PIK3C2G: variants seen among roughly 807,000 people sequenced by gnomAD.
PIK3C2G encodes the protein phosphatidylinositol 3-kinase C2 domain-containing subunit gamma.
PIK3C2G carries 168 observed loss-of-function variants against 181.1 expected under a neutral mutation model. The observed-to-expected ratio is 0.93, with a 90% CI of 0.82 to 1.05. PIK3C2G has a LOEUF of 1.05. PIK3C2G is among the 50% of genes least tolerant of loss of function. The pLI is 0.00. For synonymous variants in PIK3C2G, 573 were observed against 592.2 expected, an observed-to-expected ratio of 0.97 and a Z score of 0.47; for missense variants, 1,869 against 1,732.8, an observed-to-expected ratio of 1.08 and a Z score of -1.40.
chr12:18,696,723 AT>A, the PIK3C2G span, among the ~76,000 whole-genome samples: 1 of 152,102 alleles, frequency 6.6e-6, no homozygotes, highest in African/African-American at 2.4e-5. Context: ...TTCCAGCTAA[AT>A]TAATCCTACT....
chr12:18,710,688 A>G, the PIK3C2G span, among the ~76,000 whole-genome samples: 1 of 152,154 alleles, frequency 6.6e-6, no homozygotes, highest in Non-Finnish European at 1.5e-5. Context: ...AGTGACAGTA[A>G]AAATGGGCAG....
rs150646073 is a variant in PIK3C2G, at chr12:18,547,990, G to A, written c.3590+1558G>A. 3.4e-3 allele frequency among the ~76,000 whole-genome samples: 521 copies of A among 152,040 alleles called. 2 individuals are homozygous for A. Among genetic ancestry groups the A allele is most frequent in the African/African-American group, 0.012 (483 of 41,504 alleles). The stretch of plus-strand genomic sequence containing the variant: ...ACAGAAGGGCAGCGTCACAGAGTCT[G>A]GAAGGTCCTTCAGAATTGAAGGCAG... On this transcript the variant is annotated intron_variant, in intron 26 of 32. Transcript: ENST00000538779.
chr12:18,405,945 A>G (rs56147105), intron 16 of PIK3C2G, among the ~76,000 whole-genome samples: 16,427 of 152,066 alleles, frequency 0.11, 1,197 homozygotes, highest in Admixed American at 0.25. Context: ...ATTAACTCTG[A>G]TCTCCACGCA....
At chr12:18,699,794 C>G in the PIK3C2G span, 2 of 1,612,804 alleles carry the variant, frequency 1.2e-6, no homozygotes, top group Non-Finnish European at 1.7e-6. Flanking sequence ...AAAAATTTAC[C>G]TCGCAATTTT....
intron 18 of PIK3C2G, among the ~76,000 whole-genome samples, chr12:18,443,356 G>A (rs1405049995): frequency 3.9e-5 from 6 of 152,178 alleles, no homozygotes; most frequent in South Asian, 2.1e-4. Context: ...TTTTTCACAA[G>A]TAATAAAAAA....
intron 24 of PIK3C2G, among the ~76,000 whole-genome samples, chr12:18,520,447 C>T (rs938690378): frequency 6.6e-6 from 1 of 151,884 alleles, no homozygotes; most frequent in African/African-American, 2.4e-5. Flanking sequence ...TCTCGTCTGC[C>T]TTCCTTTCAG....
chr12:18,693,886 C>T, the PIK3C2G span: 2 of 1,529,538 alleles, frequency 1.3e-6, no homozygotes, highest in Non-Finnish European at 1.8e-6. Flanking sequence ...TTCACACAAG[C>T]AGGATGACGC....
chr12:18,416,702 C>A (rs796201783), intron 16 of PIK3C2G, among the ~76,000 whole-genome samples: 1 of 152,076 alleles, frequency 6.6e-6, no homozygotes, highest in East Asian at 1.9e-4. Context: ...TATGTTAAGC[C>A]CACTGTTGAA....
intron 24 of PIK3C2G, among the ~76,000 whole-genome samples, chr12:18,537,442 C>G (rs1592523704): frequency 6.6e-6 from 1 of 151,864 alleles, no homozygotes; most frequent in Non-Finnish European, 1.5e-5. Flanking sequence ...CATCTCAGCC[C>G]TATCCGTATC....
chr12:18,363,387 T>C (rs1003378843), intron 12 of PIK3C2G, among the ~76,000 whole-genome samples: 1 of 152,132 alleles, frequency 6.6e-6, no homozygotes, highest in African/African-American at 2.4e-5. Flanking sequence ...CCTTCTTCTG[T>C]AAAGATTTGT....
At position 18,282,299 on chromosome 12, in the gene PIK3C2G, C is replaced by G. The variant is rs776432116; in HGVS notation, c.218C>G (p.Ser73Ter). Residue 73 changes from serine to a stop codon, truncating the protein, a stop_gained, in exon 2 of 33, where the codon TCA (serine) becomes TGA (stop). Coordinates refer to ENST00000538779, the MANE Select transcript of PIK3C2G (RefSeq NM_001288772.2). LOFTEE classifies it high-confidence loss of function. ...FFVPTAPKWD[S>*]TGHSLNEAHQ... ...GTGCCCACTGCACCAAAATGGGACT[C>G]AACAGGGCATTCATTAAATGAAGCA... The G allele has an allele frequency of 7.4e-6, 12 of 1,613,230 alleles. No individual in the cohort carries two copies. In the South Asian group the frequency reaches 1.3e-4, roughly 18 times the overall value.
At chr12:18,283,173 A>T (rs1370766839) in intron 2 of PIK3C2G, among the ~76,000 whole-genome samples, 1 of 152,078 alleles carries the variant, frequency 6.6e-6, no homozygotes, top group Non-Finnish European at 1.5e-5. Context: ...ACTTTATATC[A>T]TTATTGGTAG....
intron 22 of PIK3C2G, among the ~76,000 whole-genome samples, chr12:18,498,605 A>ACCTGTCATCACAAGAGAACTGTCATG (rs1272350991): frequency 6.6e-6 from 1 of 151,884 alleles, no homozygotes; most frequent in Non-Finnish European, 1.5e-5. Flanking sequence ...TACAATTTAA[A>ACCTGTCATCACAAGAGAACTGTCATG]CCTGTCATCA....
At chr12:18,324,705 T>C (rs1343609022) in intron 7 of PIK3C2G, among the ~76,000 whole-genome samples, 2 of 152,340 alleles carry the variant, frequency 1.3e-5, no homozygotes, top group East Asian at 1.9e-4. Context: ...TGTTAATATA[T>C]GCCATTATCT....
At chr12:18,258,459 G>T (rs991499416), upstream of PIK3C2G, among the ~76,000 whole-genome samples, 1 of 151,892 alleles carries the variant, frequency 6.6e-6, no homozygotes, top group Non-Finnish European at 1.5e-5. Flanking sequence ...ACAGCTTCTG[G>T]TGACCACCAT....
At chr12:18,507,323 C>G (rs1162896696) in intron 24 of PIK3C2G, among the ~76,000 whole-genome samples, 1 of 152,176 alleles carries the variant, frequency 6.6e-6, no homozygotes, top group Non-Finnish European at 1.5e-5. Context: ...GCCACCGTGC[C>G]TGGCCTTCAT....
intron 18 of PIK3C2G, among the ~76,000 whole-genome samples, chr12:18,445,712 T>A (rs757448386): frequency 3.7e-4 from 57 of 152,308 alleles, no homozygotes; most frequent in Non-Finnish European, 6.9e-4. Context: ...GATTTTGTTA[T>A]ACTCATCCAA....
intron 29 of PIK3C2G, among the ~76,000 whole-genome samples, chr12:18,568,294 T>G (rs1348906201): frequency 6.6e-6 from 1 of 151,926 alleles, no homozygotes. Flanking sequence ...AGGTAAGAGT[T>G]TGGACGCCAA....
At chr12:18,719,984 A>G in the PIK3C2G span, among the ~76,000 whole-genome samples, 1 of 152,082 alleles carries the variant, frequency 6.6e-6, no homozygotes, top group Non-Finnish European at 1.5e-5. Context: ...GCAGTGTTCC[A>G]GAAGCCTGCC....
Sources: gnomAD v4.1 joint callset for allele counts (sites outside exome capture counted in the v4.1 genomes callset) on GRCh38, gnomAD v4.1.1 for gene constraint, MANE v1.5 for transcripts, NCBI Gene and HGNC (gene_info 2026-07-23, HGNC 2026-07-21) for gene names.